The following UNC93A variants were observed in gnomAD, a reference collection of about 807,000 sequenced individuals.
UNC93A encodes the protein N-acetylglucosamine transporter UNC93A.
In UNC93A, 43 loss-of-function variants were observed where a neutral mutation model predicts 47.5. The ratio of observed to expected loss-of-function variants is 0.91; its 90% CI spans 0.71 to 1.17. UNC93A has a LOEUF of 1.17. Among genes scored for constraint, UNC93A ranks in the 50% most tolerant of loss-of-function variants. The probability of loss-of-function intolerance (pLI) is 0.00; values close to 1 mark genes in which losing one functional copy is unlikely to be tolerated. For missense variants in UNC93A, 605 were observed against 577.6 expected, an observed-to-expected ratio of 1.05 and a Z score of -0.49; for synonymous variants, 280 against 258.0, an observed-to-expected ratio of 1.09 and a Z score of -0.82.
upstream of UNC93A, among the ~76,000 whole-genome samples, chr6:167,290,067 C>T (rs1408766320): frequency 6.6e-6 from 1 of 152,128 alleles, no homozygotes; most frequent in East Asian, 1.9e-4. Flanking sequence ...AAGTCTTGAA[C>T]TTTTGCAACC....
upstream of UNC93A, among the ~76,000 whole-genome samples, chr6:167,270,760 G>A (rs76413362): frequency 0.02 from 3,058 of 152,268 alleles, 95 homozygotes; most frequent in African/African-American, 0.07. Context: ...TTGGGGTGAC[G>A]CGTCTACAAA....
At chr6:167,300,709 C>T (rs1778219044) in intron 4 of UNC93A, among the ~76,000 whole-genome samples, 1 of 152,110 alleles carries the variant, frequency 6.6e-6, no homozygotes, top group Admixed American at 6.5e-5. Context: ...TCCCAGGGAC[C>T]AGCCAGGCCT....
At chr6:167,285,736 G>T (rs574163065) in intron 1 of UNC93A, among the ~76,000 whole-genome samples, 2 of 151,738 alleles carry the variant, frequency 1.3e-5, no homozygotes, top group South Asian at 4.2e-4. Context: ...TGGAGGGTAG[G>T]TGGGGGGCTT....
At chr6:167,313,561 C>T (rs998734406) in intron 7 of UNC93A, among the ~76,000 whole-genome samples, 1 of 152,022 alleles carries the variant, frequency 6.6e-6, no homozygotes, top group Non-Finnish European at 1.5e-5. Flanking sequence ...TTTCTAATCA[C>T]GGCAGCACAA....
intron 5 of UNC93A, among the ~76,000 whole-genome samples, chr6:167,304,648 G>A (rs987032538): frequency 2.6e-5 from 4 of 151,508 alleles, no homozygotes; most frequent in Admixed American, 6.6e-5. Context: ...TCAGCTCACC[G>A]CAACCTCTGC....
In UNC93A at chr6:167,315,283, G is replaced by A; in HGVS notation, c.1205G>A (p.Ser402Asn). ...GGCTTCGTCATTGCCTTCGGGTACA[G>A]CATGTTTTTGTGCGTGCACGTCAAG... ...ALGFVIAFGY[S>N]MFLCVHVKLY... The change falls in exon 8 of 8, where the codon AGC becomes AAC. Residue 402 changes from serine to asparagine, a missense_variant. By Grantham distance (46) the Ser-to-Asn change is conservative. Transcript: ENST00000230256. The A allele has an allele frequency of 6.2e-7, 1 of 1,613,234 alleles. No individual in the cohort carries two copies. Among genetic ancestry groups the A allele is most frequent in the Non-Finnish European group, 8.5e-7 (1 of 1,179,574 alleles).
Position 167,313,705 on chromosome 6 carries a change from G to A in UNC93A, c.1109-1482G>A, listed in dbSNP as rs555204750. Among the ~76,000 whole-genome samples the A allele has an allele frequency of 2.0e-5, 3 of 152,094 alleles. 1 individual carries two copies. The highest frequency in any genetic ancestry group is 2.9e-5 in the Non-Finnish European group (2 of 68,042). The stretch of plus-strand genomic sequence containing the variant: ...TGGCTCTGGTTTTCCGACCTGCCCA[G>A]GGTGTAGCCGGGAGCTTTTAGCCAC... On this transcript the variant is annotated intron_variant, in intron 7 of 7. Coordinates refer to ENST00000230256, the MANE Select transcript of UNC93A (RefSeq NM_018974.4).
chr6:167,279,458 A>G (rs1783596892), intron 1 of UNC93A, among the ~76,000 whole-genome samples: 1 of 152,186 alleles, frequency 6.6e-6, no homozygotes, highest in Non-Finnish European at 1.5e-5. Context: ...GTAAAATAAA[A>G]TCTTTAACAC....
chr6:167,315,269 T>G lies in UNC93A; in HGVS notation c.1191T>G (p.Ile397Met), dbSNP rs1778661136. ...YRLWEALGFV[I>M]AFGYSMFLCV... ...TGTGGGAGGCCCTGGGCTTCGTCATTGCCTTCGGGTACAGCATGTTTTTGT... is the reference window on the plus strand; with the variant it reads ...TGTGGGAGGCCCTGGGCTTCGTCATGGCCTTCGGGTACAGCATGTTTTTGT... The change falls in exon 8 of 8, where the codon ATT becomes ATG. Residue 397 changes from isoleucine to methionine, a missense_variant. Ile to Met is a conservative substitution (Grantham distance 10, BLOSUM62 1). Coordinates refer to ENST00000230256, the MANE Select transcript of UNC93A (RefSeq NM_018974.4). The G allele has an allele frequency of 1.2e-6, 2 of 1,613,544 alleles. No homozygotes were observed. The highest frequency in any genetic ancestry group is 1.7e-6 in the Non-Finnish European group (2 of 1,179,812).
At chr6:167,314,551 G>GAAA (rs1778639739) in intron 7 of UNC93A, among the ~76,000 whole-genome samples, 1 of 152,198 alleles carries the variant, frequency 6.6e-6, no homozygotes, top group African/African-American at 2.4e-5. Context: ...TCACAAGCAG[G>GAAA]AAAATCCTGG....
At chr6:167,273,202 C>T (rs1047301309) in intron 1 of UNC93A, among the ~76,000 whole-genome samples, 10 of 152,294 alleles carry the variant, frequency 6.6e-5, no homozygotes, top group Middle Eastern at 3.4e-3. Context: ...CCTTTCCTTC[C>T]CGGGCTTGTG....
At chr6:167,271,748 A>G (rs1288149689) in intron 1 of UNC93A, among the ~76,000 whole-genome samples, 1 of 152,168 alleles carries the variant, frequency 6.6e-6, no homozygotes, top group Non-Finnish European at 1.5e-5. Context: ...ATGCACACAC[A>G]TGGGAGCACT....
At chr6:167,273,203 C>T (rs73033195) in intron 1 of UNC93A, among the ~76,000 whole-genome samples, 4 of 152,292 alleles carry the variant, frequency 2.6e-5, no homozygotes, top group Admixed American at 6.5e-5. Flanking sequence ...CTTTCCTTCC[C>T]GGGCTTGTGC....
At chr6:167,309,881 G>A (rs1778510162) in intron 7 of UNC93A, among the ~76,000 whole-genome samples, 1 of 152,142 alleles carries the variant, frequency 6.6e-6, no homozygotes, top group Non-Finnish European at 1.5e-5. Flanking sequence ...AAATGCGTGT[G>A]TACTTGGCCC....
intron 1 of UNC93A, among the ~76,000 whole-genome samples, chr6:167,280,594 G>A (rs1783615757): frequency 6.6e-6 from 1 of 152,156 alleles, no homozygotes; most frequent in African/African-American, 2.4e-5. Context: ...GTCAGACAGA[G>A]AGCCCCGAGG....
In UNC93A at chr6:167,294,680, G is replaced by A. The variant is rs143295455; in HGVS notation, c.251G>A (p.Gly84Asp). The change falls in exon 2 of 8, where the codon GGC becomes GAC. Residue 84 changes from glycine (G) to aspartate (D), a missense_variant. Transcript: ENST00000230256. The stretch of plus-strand genomic sequence containing the variant: ...TGTGGCTACGTGGCCTTCTCCGTGG[G>A]CAACTTCTTCGCCAGCTGGTACGCA... Reference protein sequence around the residue: ...SMCGYVAFSVGNFFASWYTLI... With the variant: ...SMCGYVAFSVDNFFASWYTLI... The A allele has an allele frequency of 4.4e-6, 7 of 1,598,724 alleles. No individual in the cohort carries two copies. Among genetic ancestry groups the A allele is most frequent in the Non-Finnish European group, 6.0e-6 (7 of 1,168,978 alleles).
chr6:167,280,261 G>T (rs1396487529), intron 1 of UNC93A, among the ~76,000 whole-genome samples: 4 of 152,178 alleles, frequency 2.6e-5, no homozygotes, highest in Non-Finnish European at 5.9e-5. Context: ...CGTGAGCTCA[G>T]ATGGTGCCTT....
intron 4 of UNC93A, among the ~76,000 whole-genome samples, chr6:167,302,270 G>A (rs2115151683): frequency 6.6e-6 from 1 of 152,236 alleles, no homozygotes; most frequent in Middle Eastern, 3.4e-3. Context: ...CACTGCATGG[G>A]TCACACGAGG....
intron 4 of UNC93A, among the ~76,000 whole-genome samples, chr6:167,300,401 G>C (rs1291812903): frequency 2.6e-5 from 4 of 152,164 alleles, no homozygotes; most frequent in African/African-American, 7.2e-5. Context: ...AGGACACCAG[G>C]GTTGTAGAAT....
Sources: allele counts gnomAD v4.1 joint callset (sites outside exome capture counted in the v4.1 genomes callset), GRCh38; gene constraint gnomAD v4.1.1; transcripts MANE v1.5; gene names NCBI Gene and HGNC (gene_info 2026-07-23, HGNC 2026-07-21).